PTPRT: variants seen among roughly 807,000 people sequenced by gnomAD.
PTPRT encodes receptor-type tyrosine-protein phosphatase T.
Under a neutral mutation model 176.8 loss-of-function variants are expected in PTPRT, and 56 were observed. The ratio of observed to expected loss-of-function variants is 0.32; its 90% CI spans 0.26 to 0.40. PTPRT has a LOEUF of 0.40. PTPRT is among the 10% of genes least tolerant of loss of function. PTPRT has a pLI of 1.00. For missense variants in PTPRT, 1,540 were observed against 1,908.2 expected, an observed-to-expected ratio of 0.81 and a Z score of 3.60; for synonymous variants, 783 against 739.0, an observed-to-expected ratio of 1.06 and a Z score of -0.96.
At chr20:43,124,524 C>T (rs1450006560) in intron 1 of PTPRT, among the ~76,000 whole-genome samples, 1 of 152,162 alleles carries the variant, frequency 6.6e-6, no homozygotes, top group Non-Finnish European at 1.5e-5. Context: ...TCAGGCTGTG[C>T]TGAGACTAGA....
Position 42,327,080 on chromosome 20 carries a change from G to GGTGTGTGTGTGT in PTPRT, c.1866-11096_1866-11085dup, listed in dbSNP as rs139401290. On this transcript the variant is annotated intron_variant, in intron 11 of 30. Coordinates refer to ENST00000373187, the MANE Select transcript of PTPRT (RefSeq NM_007050.6). Reference sequence around the variant, plus strand: ...GTTAAATAAAAATGGACTAGGTAGGGGTGTGTGTGTGTGTGTGTGTGTGTG... The same window carrying GGTGTGTGTGTGT: ...GTTAAATAAAAATGGACTAGGTAGGGGTGTGTGTGTGTGTGTGTGTGTGTGTGTGTGTGTGTG... 1.2e-4 allele frequency among the ~76,000 whole-genome samples: 18 copies of GGTGTGTGTGTGT among 146,446 alleles called. No individual in the cohort carries two copies. In the South Asian group the frequency reaches 1.3e-3, roughly 11 times the overall value.
At chr20:42,478,009 A>T (rs941118829) in intron 7 of PTPRT, among the ~76,000 whole-genome samples, 6 of 152,046 alleles carry the variant, frequency 3.9e-5, no homozygotes, top group African/African-American at 1.4e-4. Flanking sequence ...CTCCACATTT[A>T]TGACCCCCTA....
intron 1 of PTPRT, among the ~76,000 whole-genome samples, chr20:43,173,777 T>C (rs1285730026): frequency 3.3e-5 from 5 of 152,236 alleles, no homozygotes; most frequent in African/African-American, 9.6e-5. Context: ...TACCTGCTTG[T>C]ATGACTGGGA....
chr20:42,282,268 C>T (rs1318684777), intron 13 of PTPRT, among the ~76,000 whole-genome samples: 1 of 152,120 alleles, frequency 6.6e-6, no homozygotes, highest in African/African-American at 2.4e-5. Flanking sequence ...TCCACCCATC[C>T]ATCCATTCAG....
At chr20:42,972,625 G>A (rs1038526653) in intron 1 of PTPRT, among the ~76,000 whole-genome samples, 17 of 137,046 alleles carry the variant, frequency 1.2e-4, no homozygotes, top group South Asian at 2.4e-4. Context: ...ATCACGGATC[G>A]TGTCCCTGCA....
chr20:42,764,103 TAGAC>T (rs1163933969), intron 5 of PTPRT, among the ~76,000 whole-genome samples: 1 of 152,156 alleles, frequency 6.6e-6, no homozygotes, highest in Admixed American at 6.5e-5. Context: ...TAGTTATTGA[TAGAC>T]AGTTTCAAGT....
At chr20:42,508,495 G>A (rs895310227) in intron 7 of PTPRT, among the ~76,000 whole-genome samples, 1 of 152,110 alleles carries the variant, frequency 6.6e-6, no homozygotes, top group African/African-American at 2.4e-5. Flanking sequence ...AGAATATAAA[G>A]ATGCTTAAAA....
At chr20:42,323,197 T>C (rs1289954086) in intron 11 of PTPRT, among the ~76,000 whole-genome samples, 1 of 152,250 alleles carries the variant, frequency 6.6e-6, no homozygotes, top group African/African-American at 2.4e-5. Flanking sequence ...TAGAAGTCAC[T>C]GTGGCGATTC....
chr20:42,910,051 C>T (rs532402079), intron 1 of PTPRT, among the ~76,000 whole-genome samples: 2 of 152,312 alleles, frequency 1.3e-5, no homozygotes, highest in Admixed American at 1.3e-4. Context: ...CACCATAAAG[C>T]TGGTTACTTT....
chr20:42,904,147 C>G (rs1056425392), intron 1 of PTPRT, among the ~76,000 whole-genome samples: 5 of 152,170 alleles, frequency 3.3e-5, no homozygotes, highest in African/African-American at 1.2e-4. Flanking sequence ...TGTTTCTCCT[C>G]TTTGGAACAA....
chr20:42,233,389 C>G (rs931424724), intron 15 of PTPRT, among the ~76,000 whole-genome samples: 6 of 152,194 alleles, frequency 3.9e-5, no homozygotes, highest in Admixed American at 1.3e-4. Flanking sequence ...TCCCTCCCAT[C>G]TACTTCTGGG....
In PTPRT at chr20:43,189,711, G is replaced by A; in HGVS notation, c.23C>T (p.Ala8Val). The stretch of plus-strand genomic sequence containing the variant: ...CTGCAGCCTCAGGAGCAGGCTGAGG[G>A]CGAGCGCGGCGAGGCTCGCCATCCG... The part of the protein sequence containing the change: MASLAAL[A>V]LSLLLRLQLP... Residue 8 changes from alanine to valine, a missense_variant, in exon 1 of 31, where the codon GCC (alanine) becomes GTC (valine). By Grantham distance (64) the Ala-to-Val change is moderately conservative. This residue lies in a region of PTPRT where 116 missense variants were observed against 118.5 expected (regional missense o/e 0.98). Coordinates refer to ENST00000373187, the MANE Select transcript of PTPRT (RefSeq NM_007050.6). The surrounding 1 kb of genome is among the most constrained non-coding windows in gnomAD (Gnocchi z 5.0). The A allele has an allele frequency of 7.9e-7, 1 of 1,271,406 alleles. No homozygotes were observed. The highest frequency in any genetic ancestry group is 9.9e-7 in the Non-Finnish European group (1 of 1,010,424). The allele number at this position is 1,271,406 out of a possible 1,614,324, so 78.8% of individuals were successfully genotyped here.
intron 9 of PTPRT, among the ~76,000 whole-genome samples, chr20:42,388,718 G>A (rs1203292556): frequency 3.9e-5 from 6 of 152,166 alleles, no homozygotes; most frequent in South Asian, 2.1e-4. Flanking sequence ...ACAGTGTGGC[G>A]ACTCCTCAAG....
chr20:42,540,472 T>C (rs1286439153), intron 7 of PTPRT, among the ~76,000 whole-genome samples: 1 of 152,028 alleles, frequency 6.6e-6, no homozygotes, highest in East Asian at 1.9e-4. Flanking sequence ...ATAATACCCT[T>C]CTTGAAGGTA....
chr20:42,803,903 T>C (rs1478001977), intron 2 of PTPRT, among the ~76,000 whole-genome samples: 1 of 152,140 alleles, frequency 6.6e-6, no homozygotes, highest in African/African-American at 2.4e-5. Context: ...TGAAACTGCC[T>C]TCCCACATGC....
At chr20:42,991,558 G>C (rs1033909236) in intron 1 of PTPRT, among the ~76,000 whole-genome samples, 6 of 152,054 alleles carry the variant, frequency 3.9e-5, no homozygotes, top group African/African-American at 1.4e-4. Context: ...GGGACTGGTG[G>C]GGGGCAGATG....
intron 7 of PTPRT, among the ~76,000 whole-genome samples, chr20:42,505,085 C>CT (rs11481134): frequency 0.29 from 44,316 of 151,968 alleles, 9,668 homozygotes; most frequent in African/African-American, 0.62. Flanking sequence ...ACTGAACTTG[C>CT]TCTTCCCTTT....
chr20:42,187,101 C>T (rs1028790069), intron 16 of PTPRT, among the ~76,000 whole-genome samples: 9 of 152,112 alleles, frequency 5.9e-5, no homozygotes, highest in Non-Finnish European at 1.2e-4. Flanking sequence ...TAATGGATCA[C>T]GACAGCTCCC....
intron 13 of PTPRT, among the ~76,000 whole-genome samples, chr20:42,262,217 A>T (rs564512911): frequency 1.6e-4 from 24 of 152,294 alleles, no homozygotes; most frequent in African/African-American, 5.3e-4. Flanking sequence ...TTAAAAGCTG[A>T]TCTGTTCCCC....
Sources: allele counts gnomAD v4.1 joint callset (sites outside exome capture counted in the v4.1 genomes callset), GRCh38; gene constraint gnomAD v4.1.1; regional missense constraint gnomAD v4.1.1; non-coding constraint Gnocchi (gnomAD v3.1); transcripts MANE v1.5; gene names NCBI Gene and HGNC (gene_info 2026-07-23, HGNC 2026-07-21).